Variants in ACYP2 observed in about 807,000 individuals in gnomAD.
ACYP2 encodes acylphosphatase-2.
A neutral mutation model predicts 11.2 loss-of-function variants in ACYP2; 12 were observed. The ratio of observed to expected loss-of-function variants is 1.08; its 90% confidence interval spans 0.69 to 1.74. The LOEUF (loss-of-function observed/expected upper bound fraction) is 1.74. Among genes scored for constraint, ACYP2 ranks in the 40% most tolerant of loss-of-function variants. ACYP2 has a pLI of 0.00. For synonymous variants in ACYP2, 43 were observed against 32.2 expected, an observed-to-expected ratio of 1.33 and a Z score of -1.13; for missense variants, 134 against 101.9, an observed-to-expected ratio of 1.31 and a Z score of -1.35.
At chr2:54,167,278 A>G (rs1474891231) in intron 6 of ACYP2, among the ~76,000 whole-genome samples, 1 of 152,230 alleles carries the variant, frequency 6.6e-6, no homozygotes, top group African/African-American at 2.4e-5. Context: ...TTTGATAAGG[A>G]TCATTTCTAT....
At chr2:54,069,630 C>G (rs1006323564) in intron 4 of ACYP2, among the ~76,000 whole-genome samples, 1 of 151,980 alleles carries the variant, frequency 6.6e-6, no homozygotes, top group Non-Finnish European at 1.5e-5. Flanking sequence ...CCACTGCACT[C>G]CAGCCTGGGT....
intron 4 of ACYP2, among the ~76,000 whole-genome samples, chr2:54,114,265 T>C (rs996074651): frequency 4.6e-4 from 70 of 152,046 alleles, no homozygotes; most frequent in African/African-American, 1.5e-3. Context: ...TGTATCCAGA[T>C]CCTTTGGAGT....
At chr2:54,254,645 A>T (rs1407126568) in intron 6 of ACYP2, 1 of 407,220 alleles carries the variant, frequency 2.5e-6, no homozygotes, top group Non-Finnish European at 4.4e-6. Flanking sequence ...AATACAGTGT[A>T]ACCTACAGCA....
At chr2:54,095,953 C>CAG (rs1354995968) in intron 4 of ACYP2, among the ~76,000 whole-genome samples, 2 of 34 alleles carry the variant, frequency 0.059, 1 homozygote. Context: ...GCTGGCCGGG[C>CAG]GGGGCTGACC....
chr2:53,993,389 A>G (rs948392857), intron 2 of ACYP2, among the ~76,000 whole-genome samples: 2 of 152,058 alleles, frequency 1.3e-5, no homozygotes, highest in Admixed American at 1.3e-4. Flanking sequence ...AGAAAAAAAA[A>G]GTACAGGTGC....
rs1689853304 is a variant in ACYP2, at chr2:54,304,743, T to A, written c.460T>A (p.Phe154Ile). The A allele has an allele frequency of 1.2e-6, 2 of 1,612,274 alleles. No individual in the cohort carries two copies. The highest frequency in any genetic ancestry group is 1.7e-6 in the Non-Finnish European group (2 of 1,179,642). Reference sequence around the variant, plus strand: ...TAGTTCTCGCATTGACCGCACAAACTTTTCTAATGAAAAAACCATCTCTAA... The same window carrying A: ...TAGTTCTCGCATTGACCGCACAAACATTTCTAATGAAAAAACCATCTCTAA... Residue 154 changes from phenylalanine to isoleucine, a missense_variant, in exon 7 of 7, where the codon TTT becomes ATT. Phe to Ile is a conservative substitution (Grantham distance 21). Transcript: ENST00000607452.
chr2:54,031,023 T>G (rs1381126273), intron 2 of ACYP2, among the ~76,000 whole-genome samples: 1 of 152,182 alleles, frequency 6.6e-6, no homozygotes, highest in African/African-American at 2.4e-5. Context: ...GCCAAAGCAG[T>G]AAGGGGCGCA....
At chr2:54,001,512 GCCTCCCAAGTAGC>G (rs1430569517) in intron 2 of ACYP2, among the ~76,000 whole-genome samples, 1 of 152,126 alleles carries the variant, frequency 6.6e-6, no homozygotes, top group Non-Finnish European at 1.5e-5. Flanking sequence ...TCCTGCCTCA[GCCTCCCAAGTAGC>G]TGGGATTACA....
At chr2:54,084,750 A>C (rs1185870941) in intron 4 of ACYP2, 1 of 152,266 alleles carries the variant, frequency 6.6e-6, no homozygotes, top group African/African-American at 2.4e-5. Context: ...AAGAGTCAGC[A>C]AAATGGGGCC....
At position 54,268,302 on chromosome 2, in the gene ACYP2, T is replaced by C. The variant is rs564054173; in HGVS notation, c.405-36386T>C. 2.4e-4 allele frequency among the ~76,000 whole-genome samples: 37 copies of C among 152,328 alleles called. No homozygotes were observed. The South Asian group carries it at 7.7e-3, about 32-fold the overall frequency. On this transcript the variant is annotated intron_variant, in intron 6 of 6. Transcript: ENST00000607452. ...GACTACTTAAGTCATAAAGCCAGGA[T>C]TGAATAAATGCATTTTCCTTCTCGT...
intron 2 of ACYP2, among the ~76,000 whole-genome samples, chr2:53,998,908 G>T (rs1672686092): frequency 6.6e-6 from 1 of 152,102 alleles, no homozygotes; most frequent in Admixed American, 6.6e-5. Flanking sequence ...CATTCTTTGG[G>T]CTCTCTGTTC....
chr2:54,021,275 C>T (rs536225410), intron 2 of ACYP2, among the ~76,000 whole-genome samples: 1 of 152,104 alleles, frequency 6.6e-6, no homozygotes, highest in Non-Finnish European at 1.5e-5. Context: ...AGCAGGTGAC[C>T]AGGGGAATAG....
intron 6 of ACYP2, among the ~76,000 whole-genome samples, chr2:54,195,753 A>G (rs1347671102): frequency 7.1e-6 from 1 of 141,836 alleles, no homozygotes; most frequent in Non-Finnish European, 1.5e-5. Flanking sequence ...GGATGGTTAA[A>G]TAATTTTTTA....
intron 2 of ACYP2, among the ~76,000 whole-genome samples, chr2:54,020,607 AACTC>A (rs1224260496): frequency 6.6e-6 from 1 of 152,200 alleles, no homozygotes; most frequent in African/African-American, 2.4e-5. Flanking sequence ...AACACATCTA[AACTC>A]ACTCATTTAA....
chr2:54,063,628 C>A (rs917235772), intron 4 of ACYP2, among the ~76,000 whole-genome samples: 1 of 152,242 alleles, frequency 6.6e-6, no homozygotes, highest in Non-Finnish European at 1.5e-5. Context: ...GCTATTCTTT[C>A]TAGGTTCTGG....
At chr2:54,176,628 G>A (rs1683471349) in intron 6 of ACYP2, among the ~76,000 whole-genome samples, 1 of 152,216 alleles carries the variant, frequency 6.6e-6, no homozygotes, top group Admixed American at 6.5e-5. Context: ...TCAGTCATGT[G>A]TTAACTGACA....
rs1220225818 is a variant in ACYP2 at position 54,095,664 on chromosome 2, A to AC, written c.277+38311dup. Among the ~76,000 whole-genome samples the AC allele has an allele frequency of 3.8e-4, 47 of 122,422 alleles. No individual in the cohort carries two copies. In the East Asian group the frequency reaches 8.7e-3, roughly 23 times the overall value. The allele number at this position is 122,422 out of a possible 152,430, so 80.3% of individuals were successfully genotyped here. Reference sequence around the variant, plus strand: ...GGGCGGCTGGCCGCGCGGGGGGCTGACCCCCCCACCTCCCTCCTGGACGGG... The same window carrying AC: ...GGGCGGCTGGCCGCGCGGGGGGCTGACCCCCCCCACCTCCCTCCTGGACGGG... On this transcript the variant is annotated intron_variant, in intron 4 of 6. Coordinates refer to ENST00000607452, the MANE Select transcript of ACYP2 (RefSeq NM_001320586.2).
chr2:54,254,868 C>T (rs764934885), intron 6 of ACYP2: 5 of 1,564,374 alleles, frequency 3.2e-6, no homozygotes, highest in Middle Eastern at 2.3e-4. Flanking sequence ...AGCTCAGGTC[C>T]AGCTGGTGGT....
intron 2 of ACYP2, among the ~76,000 whole-genome samples, chr2:54,006,155 AT>A (rs34207761): frequency 2.3e-4 from 35 of 150,740 alleles, no homozygotes; most frequent in African/African-American, 7.1e-4. Context: ...TAATTTTCTA[AT>A]TTTTTTTTGA....
Sources: allele counts gnomAD v4.1 joint callset (sites outside exome capture counted in the v4.1 genomes callset), GRCh38; gene constraint gnomAD v4.1.1; transcripts MANE v1.5; gene names NCBI Gene and HGNC (gene_info 2026-07-23, HGNC 2026-07-21).